TENM3: variants seen among roughly 807,000 people sequenced by gnomAD.
TENM3 encodes the protein teneurin-3.
TENM3 carries 63 observed loss-of-function variants against 255.1 expected under a neutral mutation model. That is an observed-to-expected ratio of 0.25 (90% CI 0.20 to 0.30). TENM3 has a LOEUF of 0.30. Ranked by LOEUF, TENM3 falls within the 10% of genes least tolerant of loss-of-function variation. The pLI is 1.00. For synonymous variants in TENM3, 1,306 were observed against 1,322.3 expected, an observed-to-expected ratio of 0.99 and a Z score of 0.27; for missense variants, 2,929 against 3,461.1, an observed-to-expected ratio of 0.85 and a Z score of 3.86.
At chr4:181,762,084 A>T in the TENM3 span, among the ~76,000 whole-genome samples, 1 of 152,282 alleles carries the variant, frequency 6.6e-6, no homozygotes, top group Admixed American at 6.5e-5. Flanking sequence ...CTCCGTCAAT[A>T]TCATAGCTAT....
Position 182,743,232 on chromosome 4 carries a change from A to G in TENM3, c.3442A>G (p.Ser1148Gly), listed in dbSNP as rs1474903412. 2 of 1,614,030 alleles carry G rather than the reference A, an allele frequency of 1.2e-6. No homozygotes were observed. The highest frequency in any genetic ancestry group is 1.1e-5 in the South Asian group (1 of 91,082). Residue 1148 changes from serine to glycine, a missense_variant, in exon 19 of 28, where the codon AGC (serine) becomes GGC (glycine). By Grantham distance (56) the Ser-to-Gly change is moderately conservative. This residue lies in a region of TENM3 where 1,608 missense variants were observed against 1,884.4 expected (regional missense o/e 0.85). Coordinates refer to ENST00000511685, the MANE Select transcript of TENM3 (RefSeq NM_001080477.4). ...FISQQPPVVS[S>G]IMGNGRRRSI... ...CTCCCAGCAGCCTCCAGTCGTGAGT[A>G]GCATCATGGGCAATGGGCGAAGGCG...
intron 3 of TENM3, among the ~76,000 whole-genome samples, chr4:182,454,360 T>G (rs2151340203): frequency 6.6e-6 from 1 of 152,312 alleles, no homozygotes; most frequent in African/African-American, 2.4e-5. Flanking sequence ...CTTTCATAAG[T>G]GTGTTTCATA....
chr4:182,320,154 A>C (rs1295159134), intron 1 of TENM3, among the ~76,000 whole-genome samples: 1 of 152,166 alleles, frequency 6.6e-6, no homozygotes, highest in Non-Finnish European at 1.5e-5. Context: ...CGGATGGTTT[A>C]ACTCAGAGGT....
intron 3 of TENM3, among the ~76,000 whole-genome samples, chr4:182,471,880 T>C (rs984992796): frequency 1.3e-5 from 2 of 152,154 alleles, no homozygotes; most frequent in Admixed American, 1.3e-4. Flanking sequence ...ATCATCCTTA[T>C]AAGCAAAGGT....
chr4:182,256,479 C>A (rs1410540856), intron 1 of TENM3, among the ~76,000 whole-genome samples: 1 of 152,182 alleles, frequency 6.6e-6, no homozygotes, highest in Non-Finnish European at 1.5e-5. Context: ...GCTGCTATAT[C>A]CTACAGATAA....
At chr4:182,394,251 A>AT (rs60655875) in intron 3 of TENM3, among the ~76,000 whole-genome samples, 41 of 150,660 alleles carry the variant, frequency 2.7e-4, no homozygotes, top group East Asian at 3.9e-4. Flanking sequence ...AAATCTGAGA[A>AT]TTTTTTTTTT....
chr4:182,045,548 C>T, the TENM3 span, among the ~76,000 whole-genome samples: 1 of 151,800 alleles, frequency 6.6e-6, no homozygotes, highest in Non-Finnish European at 1.5e-5. Context: ...GAAGTTGAAT[C>T]GCGATTTACT....
At chr4:182,785,138 G>A (rs1765539908) in intron 24 of TENM3, among the ~76,000 whole-genome samples, 1 of 151,900 alleles carries the variant, frequency 6.6e-6, no homozygotes, top group East Asian at 2.0e-4. Flanking sequence ...GTGCAGTAGT[G>A]TGATCTTGGC....
At chr4:182,623,131 C>T (rs946928158) in intron 4 of TENM3, among the ~76,000 whole-genome samples, 3 of 151,902 alleles carry the variant, frequency 2.0e-5, no homozygotes, top group Non-Finnish European at 2.9e-5. Flanking sequence ...CTGCCTCAGC[C>T]TCCCGAGTAG....
the TENM3 span, among the ~76,000 whole-genome samples, chr4:181,731,300 A>C: frequency 6.6e-6 from 1 of 152,134 alleles, no homozygotes; most frequent in Admixed American, 6.6e-5. Context: ...GATGAGTAAA[A>C]TTTTTAATGC....
At chr4:182,184,882 A>G (rs1021584465) in intron 1 of TENM3, among the ~76,000 whole-genome samples, 7 of 152,132 alleles carry the variant, frequency 4.6e-5, no homozygotes, top group Non-Finnish European at 8.8e-5. Flanking sequence ...CAGGAGTTCA[A>G]GATCAGCTTG....
At chr4:182,583,676 G>A (rs1745729084) in intron 3 of TENM3, among the ~76,000 whole-genome samples, 1 of 151,930 alleles carries the variant, frequency 6.6e-6, no homozygotes, top group African/African-American at 2.4e-5. Context: ...TATTTGAAGT[G>A]TTTAATTTTT....
At chr4:181,605,584 G>GAAAGAAAGAAAGAAAGAAA in the TENM3 span, among the ~76,000 whole-genome samples, 7 of 69,194 alleles carry the variant, frequency 1.0e-4, 1 homozygote, top group Admixed American at 4.8e-4. Flanking sequence ...GAGAAAGAAA[G>GAAAGAAAGAAAGAAAGAAA]GAAAGAAAGA....
the TENM3 span, among the ~76,000 whole-genome samples, chr4:181,932,544 G>A: frequency 6.6e-6 from 1 of 152,204 alleles, no homozygotes; most frequent in African/African-American, 2.4e-5. Context: ...GGAAAAATAG[G>A]AACACTTTAA....
At chr4:182,074,648 G>C in the TENM3 span, among the ~76,000 whole-genome samples, 132 of 152,292 alleles carry the variant, frequency 8.7e-4, no homozygotes, top group Non-Finnish European at 1.6e-3. Flanking sequence ...GAGGCGGTGT[G>C]GGGCAGCAGT....
At chr4:182,030,722 T>G in the TENM3 span, among the ~76,000 whole-genome samples, 2 of 152,030 alleles carry the variant, frequency 1.3e-5, no homozygotes, top group African/African-American at 4.8e-5. Context: ...ATCTGTTGTT[T>G]CCTGACTTTT....
intron 24 of TENM3, among the ~76,000 whole-genome samples, chr4:182,785,710 GATAAA>G (rs1371510550): frequency 2.0e-4 from 3 of 15,260 alleles, no homozygotes; most frequent in African/African-American, 4.9e-4. Flanking sequence ...CCTGTCTCAA[GATAAA>G]AAAAAAAAAA....
At chr4:182,205,665 G>A (rs1366084962) in intron 1 of TENM3, among the ~76,000 whole-genome samples, 2 of 152,254 alleles carry the variant, frequency 1.3e-5, no homozygotes, top group African/African-American at 4.8e-5. Context: ...TTGGCACATC[G>A]TTTTCCAGTA....
At chr4:181,891,126 A>G in the TENM3 span, among the ~76,000 whole-genome samples, 1 of 152,204 alleles carries the variant, frequency 6.6e-6, no homozygotes, top group African/African-American at 2.4e-5. Flanking sequence ...TTACTGGAAC[A>G]TTAAGTAGGA....
Sources: gnomAD v4.1 joint callset for allele counts (sites outside exome capture counted in the v4.1 genomes callset) on GRCh38, gnomAD v4.1.1 for gene constraint, gnomAD v4.1.1 regional missense constraint, MANE v1.5 for transcripts, NCBI Gene and HGNC (gene_info 2026-07-23, HGNC 2026-07-21) for gene names.